Variants in PTPRR observed in about 807,000 individuals in gnomAD.
PTPRR encodes receptor-type tyrosine-protein phosphatase R.
In PTPRR, 38 loss-of-function variants were observed where a neutral mutation model predicts 77.2. That is an observed-to-expected ratio of 0.49 (90% CI 0.38 to 0.65). The LOEUF (loss-of-function observed/expected upper bound fraction) is 0.65. Ranked by LOEUF, PTPRR falls within the 30% of genes least tolerant of loss-of-function variation. The probability of loss-of-function intolerance (pLI) is 0.00; values close to 1 mark genes in which losing one functional copy is unlikely to be tolerated. For missense variants in PTPRR, 744 were observed against 799.2 expected (o/e 0.93, Z 0.83); for synonymous variants, 299 against 283.1 (o/e 1.06, Z -0.57).
intron 2 of PTPRR, among the ~76,000 whole-genome samples, chr12:70,770,789 T>C (rs548635245): frequency 1.3e-5 from 2 of 151,994 alleles, no homozygotes; most frequent in Admixed American, 1.3e-4. Context: ...ATTAAGAAAA[T>C]GTGGCACATA....
Position 70,701,226 on chromosome 12 carries a change from C to G in PTPRR, c.1105G>C (p.Glu369Gln), listed in dbSNP as rs771085690. Residue 369 changes from glutamate (E) to glutamine (Q), a missense_variant, in exon 7 of 14, where the codon GAG (glutamate) becomes CAG (glutamine). By Grantham distance (29) the Glu-to-Gln change is conservative. Coordinates refer to ENST00000283228, the MANE Select transcript of PTPRR (RefSeq NM_002849.4). ...ATTCGGCTGGCTGACTGCAGATACT[C>G]CATTGCTACCTTCTCCCGTGGTGTT... ...IPTPREKVAMEYLQSASRILT... is the reference protein window; with the variant it reads ...IPTPREKVAMQYLQSASRILT... 9 of 1,613,978 alleles carry G rather than the reference C, an allele frequency of 5.6e-6. No homozygotes were observed. In the East Asian group the frequency reaches 1.6e-4, roughly 28 times the overall value.
intron 10 of PTPRR, among the ~76,000 whole-genome samples, chr12:70,675,338 A>G (rs960716147): frequency 6.6e-6 from 1 of 151,888 alleles, no homozygotes; most frequent in African/African-American, 2.4e-5. Flanking sequence ...GTAAAAGTTT[A>G]TCCTGATTTT....
chr12:70,823,528 G>A (rs150159413), intron 2 of PTPRR, among the ~76,000 whole-genome samples: 1 of 152,226 alleles, frequency 6.6e-6, no homozygotes, highest in East Asian at 1.9e-4. Flanking sequence ...TTGTTACTGT[G>A]TGTTTTTTTT....
intron 6 of PTPRR, among the ~76,000 whole-genome samples, chr12:70,745,017 C>T (rs1035144215): frequency 6.6e-6 from 1 of 152,128 alleles, no homozygotes; most frequent in African/African-American, 2.4e-5. Flanking sequence ...TAAAGTGAAT[C>T]ACATGTATAA....
intron 2 of PTPRR, among the ~76,000 whole-genome samples, chr12:70,866,247 G>T (rs11178458): frequency 6.6e-6 from 1 of 151,662 alleles, no homozygotes; most frequent in Admixed American, 6.6e-5. Context: ...AATCCAGGAG[G>T]TGGTTTTGTG....
intron 2 of PTPRR, among the ~76,000 whole-genome samples, chr12:70,808,054 A>G (rs950268798): frequency 1.3e-5 from 2 of 152,112 alleles, no homozygotes; most frequent in Admixed American, 6.6e-5. Flanking sequence ...ACTAATAATT[A>G]GCAGCCCTGG....
At chr12:70,720,834 T>C (rs1889224474) in intron 6 of PTPRR, among the ~76,000 whole-genome samples, 1 of 152,132 alleles carries the variant, frequency 6.6e-6, no homozygotes, top group Admixed American at 6.5e-5. Context: ...TATTATCCTA[T>C]ATTTGAATAT....
At chr12:70,834,747 C>G (rs1265546653) in intron 2 of PTPRR, among the ~76,000 whole-genome samples, 2 of 151,966 alleles carry the variant, frequency 1.3e-5, no homozygotes, top group Non-Finnish European at 2.9e-5. Context: ...TCAAAAAGAG[C>G]ATTTTTAAGG....
In PTPRR at chr12:70,821,213, C is replaced by CTTTTTTTTTTTTTTT. The variant is rs61539990; in HGVS notation, c.358-56450_358-56436dup. ...CAAAACATGTTGAAAGGGATCACTGCTTTTTTTTTTTTTTTTTTTTTTTTT... is the reference window on the plus strand; with the variant it reads ...CAAAACATGTTGAAAGGGATCACTGCTTTTTTTTTTTTTTTTTTTTTTTTTTTTTTTTTTTTTTTT... On this transcript the variant is annotated intron_variant, in intron 2 of 13. Transcript: ENST00000283228. 5.9e-3 allele frequency among the ~76,000 whole-genome samples: 188 copies of CTTTTTTTTTTTTTTT among 31,986 alleles called. 34 individuals carry two copies. Among genetic ancestry groups the CTTTTTTTTTTTTTTT allele is most frequent in the East Asian group, 0.014 (6 of 438 alleles). The allele number at this position is 31,986 out of a possible 152,430, so 21.0% of individuals were successfully genotyped here.
At chr12:70,888,081 C>G (rs145668763) in intron 2 of PTPRR, among the ~76,000 whole-genome samples, 2 of 151,734 alleles carry the variant, frequency 1.3e-5, no homozygotes, top group Non-Finnish European at 2.9e-5. Context: ...CTGCAGATCA[C>G]CATAACAAAA....
At position 70,892,885 on chromosome 12, in the gene PTPRR, C is replaced by T; in HGVS notation, c.151G>A (p.Glu51Lys). ...TGTGGGGCTATATCCAGGCTCTTCT[C>T]AATGTCTTGTGAATGCTTATAAATG... ...VFIYKHSQDI[E>K]KSLDIAPQKI... The change falls in exon 2 of 14, where the codon GAG (glutamate) becomes AAG (lysine). Residue 51 changes from glutamate to lysine, a missense_variant. Transcript: ENST00000283228. 6.2e-7 allele frequency: 1 copy of T among 1,613,510 alleles called. No individual in the cohort carries two copies. The highest frequency in any genetic ancestry group is 8.5e-7 in the Non-Finnish European group (1 of 1,179,618).
chr12:70,916,980 A>C (rs914080863), intron 1 of PTPRR, among the ~76,000 whole-genome samples: 8 of 152,230 alleles, frequency 5.3e-5, no homozygotes, highest in Non-Finnish European at 1.2e-4. Flanking sequence ...CCCTAGGAAA[A>C]AGAAAGCTTT....
At chr12:70,866,792 T>C (rs1271661821) in intron 2 of PTPRR, among the ~76,000 whole-genome samples, 1 of 152,092 alleles carries the variant, frequency 6.6e-6, no homozygotes, top group Non-Finnish European at 1.5e-5. Flanking sequence ...AATAAAATAC[T>C]GGCAAAACGA....
intron 3 of PTPRR, among the ~76,000 whole-genome samples, chr12:70,763,294 A>T (rs952357620): frequency 6.6e-6 from 1 of 151,874 alleles, no homozygotes; most frequent in Non-Finnish European, 1.5e-5. Flanking sequence ...ATGCCCGGCC[A>T]ATTTTTTGTA....
intron 2 of PTPRR, among the ~76,000 whole-genome samples, chr12:70,820,321 C>CTCTTTTT (rs910703047): frequency 1.2e-4 from 19 of 152,088 alleles, no homozygotes; most frequent in African/African-American, 3.9e-4. Flanking sequence ...CTCCCCTGAG[C>CTCTTTTT]TCTTTTTTCT....
chr12:70,696,665 AT>A (rs959462293), intron 8 of PTPRR, among the ~76,000 whole-genome samples: 26 of 151,630 alleles, frequency 1.7e-4, no homozygotes, highest in African/African-American at 4.4e-4. Context: ...CCATCACAGC[AT>A]TTTTTTTTAA....
intron 10 of PTPRR, among the ~76,000 whole-genome samples, chr12:70,679,667 G>T (rs1887584332): frequency 6.6e-6 from 1 of 151,682 alleles, no homozygotes; most frequent in Non-Finnish European, 1.5e-5. Context: ...TGTGATTTTT[G>T]ATTTGAAGTC....
chr12:70,663,787 A>G (rs1886880444), intron 10 of PTPRR, among the ~76,000 whole-genome samples: 1 of 152,212 alleles, frequency 6.6e-6, no homozygotes, highest in South Asian at 2.1e-4. Context: ...TCCCAACCAT[A>G]CATACATTTA....
intron 12 of PTPRR, among the ~76,000 whole-genome samples, chr12:70,657,550 CT>C (rs1886630903): frequency 1.3e-5 from 2 of 152,192 alleles, no homozygotes; most frequent in African/African-American, 4.8e-5. Context: ...CACTAACAGT[CT>C]CTATGTAAAA....
Sources: allele counts gnomAD v4.1 joint callset (sites outside exome capture counted in the v4.1 genomes callset), GRCh38; gene constraint gnomAD v4.1.1; transcripts MANE v1.5; gene names NCBI Gene and HGNC (gene_info 2026-07-23, HGNC 2026-07-21).